Variants in FCHSD1 observed in about 807,000 individuals in gnomAD.
FCHSD1 encodes the protein FCH and double SH3 domains 1.
FCHSD1 carries 109 observed loss-of-function variants against 101.3 expected under a neutral mutation model. The ratio of observed to expected loss-of-function variants is 1.08; its 90% CI spans 0.92 to 1.26. The LOEUF (loss-of-function observed/expected upper bound fraction) is 1.26. FCHSD1 is among the 50% of genes most tolerant of loss of function. The pLI, the probability that FCHSD1 is intolerant of heterozygous loss-of-function variation, is 0.00. For missense variants in FCHSD1, 820 were observed against 895.8 expected (o/e 0.92, Z 1.08); for synonymous variants, 291 against 356.8 (o/e 0.82, Z 2.08).
intron 13 of FCHSD1, 127 bp from the exon 14 acceptor site, chr5:141,645,275 C>G: frequency 2.3e-6 from 3 of 1,326,522 alleles, no homozygotes; most frequent in Non-Finnish European, 3.1e-6. Context: ...ATCCACTCAC[C>G]ATGTACACAA....
Position 141,640,396 on chromosome 5 carries a change from C to T in FCHSD1, c.*1102G>A, listed in dbSNP as rs1223156625. On this transcript the variant is annotated 3_prime_UTR_variant, in exon 20 of 20. Coordinates refer to ENST00000435817, the MANE Select transcript of FCHSD1 (RefSeq NM_033449.3). ...ACTCCTGGTCTCTCATTGTTGACCCCTCCCCTTTCTCTCAGGTGTCTCTAC... is the reference window on the plus strand; with the variant it reads ...ACTCCTGGTCTCTCATTGTTGACCCTTCCCCTTTCTCTCAGGTGTCTCTAC... 18 of 1,614,058 alleles carry T rather than the reference C, an allele frequency of 1.1e-5. No individual in the cohort carries two copies. Among genetic ancestry groups the T allele is most frequent in the Non-Finnish European group, 1.4e-5 (17 of 1,180,020 alleles).
intron 18 of FCHSD1, chr5:141,642,360 G>A: frequency 1.5e-6 from 1 of 679,788 alleles, no homozygotes; most frequent in South Asian, 1.6e-5. Flanking sequence ...GGGGGCAAAG[G>A]TAGGAGTAGA....
Position 141,649,762 on chromosome 5 carries a change from G to GT in FCHSD1, c.233+124dup. ...CTGGGTCAGCTCCTCTGCTGCTGCT[G>GT]TGTCAGCTCTACCTACAGCTCACGT... On this transcript the variant is annotated intron_variant, in intron 4 of 19. Transcript: ENST00000435817. This position sits in a 1 kb window ranked among gnomAD's most constrained non-coding sequence, Gnocchi z 4.1. The GT allele has an allele frequency of 8.0e-7, 1 of 1,253,092 alleles. No individual in the cohort carries two copies. Among genetic ancestry groups the GT allele is most frequent in the South Asian group, 1.4e-5 (1 of 71,740 alleles). 77.6% of individuals were successfully genotyped at this position (1,253,092 alleles called of 1,614,324 possible). A position where few individuals can be genotyped will look rare whatever the true frequency, so the allele number is the denominator to read the frequency against.
At chr5:141,650,008 T>C in intron 3 of FCHSD1, 54 bp from the exon 4 acceptor site, 1 of 1,484,002 alleles carries the variant, frequency 6.7e-7, no homozygotes, top group Non-Finnish European at 9.0e-7. Context: ...CCACCCCAAC[T>C]GGCAGAATAT....
Position 141,639,582 on chromosome 5 carries a change from C to G in FCHSD1, c.*1916G>C. On this transcript the variant is annotated 3_prime_UTR_variant, in exon 20 of 20. Coordinates refer to ENST00000435817, the MANE Select transcript of FCHSD1 (RefSeq NM_033449.3). The surrounding 1 kb of genome is among the most constrained non-coding windows in gnomAD (Gnocchi z 4.4). Reference sequence around the variant, plus strand: ...CAGCAAGAGGCCTCCACTTGTCCGTCAGGGACGCTCCAAGGAAGGAAAAAG... The same window carrying G: ...CAGCAAGAGGCCTCCACTTGTCCGTGAGGGACGCTCCAAGGAAGGAAAAAG... 2 of 1,614,026 alleles carry G rather than the reference C, an allele frequency of 1.2e-6. No individual in the cohort carries two copies. The highest frequency in any genetic ancestry group is 1.7e-6 in the Non-Finnish European group (2 of 1,180,010).
In FCHSD1 at chr5:141,648,164, A is replaced by T. The variant is rs1159716762; in HGVS notation, c.577-68T>A. On this transcript the variant is annotated intron_variant, in intron 7 of 19. Coordinates refer to ENST00000435817, the MANE Select transcript of FCHSD1 (RefSeq NM_033449.3). ...AGAGTCCTTCCAAGACCAATTGAGA[A>T]GCCAGATCCAGAATGGATTCTCACA... The T allele has an allele frequency of 3.3e-6, 5 of 1,510,428 alleles. No homozygotes were observed. The Admixed American group carries it at 1.1e-4, about 33-fold the overall frequency. The allele number at this position is 1,510,428 out of a possible 1,614,324, so 93.6% of individuals were successfully genotyped here.
intron 7 of FCHSD1, among the ~76,000 whole-genome samples, chr5:141,648,377 C>T (rs2154598459): frequency 6.6e-6 from 1 of 152,280 alleles, no homozygotes; most frequent in East Asian, 1.9e-4. Flanking sequence ...GCGCTTGTTC[C>T]CTTGCTCACA....
intron 7 of FCHSD1, among the ~76,000 whole-genome samples, chr5:141,648,509 C>T (rs2099907947): frequency 6.6e-6 from 1 of 152,176 alleles, no homozygotes; most frequent in Non-Finnish European, 1.5e-5. Context: ...CTTTGCAAGG[C>T]CAGCTCCTTC....
At chr5:141,647,736 G>T in intron 8 of FCHSD1, 1 of 949,194 alleles carries the variant, frequency 1.1e-6, no homozygotes, top group Non-Finnish European at 1.5e-6. Flanking sequence ...TATAAGATAG[G>T]CAGAGAAAGG....
intron 17 of FCHSD1, 67 bp downstream of exon 17, chr5:141,644,151 G>A: frequency 2.1e-6 from 3 of 1,417,198 alleles, no homozygotes; most frequent in Non-Finnish European, 2.9e-6. Context: ...ATGAATATGA[G>A]GCTTTATTGG....
chr5:141,642,905 A>C, intron 18 of FCHSD1, 96 bp downstream of exon 18: 6 of 1,259,862 alleles, frequency 4.8e-6, no homozygotes, highest in Non-Finnish European at 6.6e-6. Context: ...AAGATGCCTG[A>C]AGGCACGGAG....
Position 141,640,816 on chromosome 5 carries a change from G to A in FCHSD1, c.*682C>T. ...TGGAGTTGCACAGTCTCAGGCTGGG[G>A]GCCTCAGGAGAGGTCACAGCCCCTC... On this transcript the variant is annotated 3_prime_UTR_variant, in exon 20 of 20. Coordinates refer to ENST00000435817, the MANE Select transcript of FCHSD1 (RefSeq NM_033449.3). 2.6e-6 allele frequency: 2 copies of A among 761,100 alleles called. No homozygotes were observed. The highest frequency in any genetic ancestry group is 2.1e-6 in the Non-Finnish European group (1 of 483,720). The allele number at this position is 761,100 out of a possible 1,614,324, so 47.1% of individuals were successfully genotyped here.
chr5:141,648,391 C>T (rs2154598460), intron 7 of FCHSD1, among the ~76,000 whole-genome samples: 1 of 152,326 alleles, frequency 6.6e-6, no homozygotes, highest in East Asian at 1.9e-4. Context: ...GCTCACAGTA[C>T]TCCAGCCATA....
At position 141,639,662 on chromosome 5, in the gene FCHSD1, C is replaced by A; in HGVS notation, c.*1836G>T. ...TCTCTGTGGGCAGGTGGGGCAGGTG[C>A]TCCAGGGAAAGGGGGGCTGAGGTAG... On this transcript the variant is annotated 3_prime_UTR_variant, in exon 20 of 20. Transcript: ENST00000435817. The surrounding 1 kb of genome is among the most constrained non-coding windows in gnomAD (Gnocchi z 4.4). 1 of 1,589,066 alleles carries A rather than the reference C, an allele frequency of 6.3e-7. No homozygotes were observed. The highest frequency in any genetic ancestry group is 1.1e-5 in the South Asian group (1 of 89,394).
In FCHSD1 at chr5:141,639,555, C is replaced by T. The variant is rs761252999; in HGVS notation, c.*1943G>A. 1.5e-5 allele frequency: 24 copies of T among 1,613,846 alleles called. No individual in the cohort carries two copies. In the Admixed American group the frequency reaches 3.0e-4, roughly 20 times the overall value. ...TGCAGCCCCTTGCCTCCATTGCAGC[C>T]GCAGCAAGAGGCCTCCACTTGTCCG... On this transcript the variant is annotated 3_prime_UTR_variant, in exon 20 of 20. Transcript: ENST00000435817. The surrounding 1 kb of genome is among the most constrained non-coding windows in gnomAD (Gnocchi z 4.4).
intron 7 of FCHSD1, 25 bp from the exon 8 acceptor site, chr5:141,648,121 A>T: frequency 6.3e-7 from 1 of 1,589,124 alleles, no homozygotes; most frequent in Non-Finnish European, 8.6e-7. Context: ...TGATGTCAAT[A>T]GGAAGCCCTA....
chr5:141,651,185 G>A, intron 1 of FCHSD1, 68 bp from the exon 2 acceptor site: 1 of 1,507,714 alleles, frequency 6.6e-7, no homozygotes, highest in East Asian at 2.5e-5. Context: ...GCAGGGAGCG[G>A]TGAGGGGGCG....
chr5:141,641,422 G>A lies in FCHSD1; in HGVS notation c.*76C>T. 1.5e-6 allele frequency: 2 copies of A among 1,307,274 alleles called. No homozygotes were observed. Among genetic ancestry groups the A allele is most frequent in the Non-Finnish European group, 2.0e-6 (2 of 985,200 alleles). 81.0% of individuals were successfully genotyped at this position (1,307,274 alleles called of 1,614,324 possible). ...TTCCAGCTTTTGGCTGTGTTGCTCT[G>A]GATCATTGATGGTGTGGTCTGACAG... On this transcript the variant is annotated 3_prime_UTR_variant, in exon 20 of 20. Coordinates refer to ENST00000435817, the MANE Select transcript of FCHSD1 (RefSeq NM_033449.3).
At chr5:141,648,808 A>C in intron 7 of FCHSD1, 149 bp downstream of exon 7, 2 of 803,482 alleles carry the variant, frequency 2.5e-6, no homozygotes, top group Non-Finnish European at 2.1e-6. Context: ...GCTCACAGAG[A>C]TCAAGTAAAT....
Sources: gnomAD v4.1 joint callset for allele counts (sites outside exome capture counted in the v4.1 genomes callset) on GRCh38, gnomAD v4.1.1 for gene constraint, Gnocchi (gnomAD v3.1) non-coding constraint, MANE v1.5 for transcripts, NCBI Gene and HGNC (gene_info 2026-07-23, HGNC 2026-07-21) for gene names.